Variants in KDM8 observed in about 807,000 individuals in gnomAD.
KDM8 encodes bifunctional peptidase and arginyl-hydroxylase JMJD5.
Under a neutral mutation model 46.9 loss-of-function variants are expected in KDM8, and 35 were observed. That is an observed-to-expected ratio of 0.75 (90% CI 0.57 to 0.99). KDM8 has a LOEUF of 0.99. Ranked by LOEUF, KDM8 falls within the 50% of genes least tolerant of loss-of-function variation. The probability of loss-of-function intolerance (pLI) is 0.00; values close to 1 mark genes in which losing one functional copy is unlikely to be tolerated. For missense variants in KDM8, 475 were observed against 537.0 expected (o/e 0.88, Z 1.14); for synonymous variants, 232 against 227.7 (o/e 1.02, Z -0.17).
At chr16:27,217,083 G>A (rs2083563745) in intron 5 of KDM8, among the ~76,000 whole-genome samples, 1 of 152,230 alleles carries the variant, frequency 6.6e-6, no homozygotes, top group South Asian at 2.1e-4. Flanking sequence ...TTGGGTCCCA[G>A]AGCTGAGTGT....
Position 27,221,026 on chromosome 16 carries a change from T to C in KDM8, c.*296T>C. 1 of 451,428 alleles carries C rather than the reference T, an allele frequency of 2.2e-6. No individual in the cohort carries two copies. Among genetic ancestry groups the C allele is most frequent in the Non-Finnish European group, 4.1e-6 (1 of 242,502 alleles). 28.0% of individuals were successfully genotyped at this position (451,428 alleles called of 1,614,324 possible). On this transcript the variant is annotated 3_prime_UTR_variant, in exon 8 of 8. Coordinates refer to ENST00000286096, the MANE Select transcript of KDM8 (RefSeq NM_024773.3). ...GGGACTCTGGCATCAGAAAGCCGAA[T>C]GTTTTTGGGAAACGGGTGGGTCACA...
At chr16:27,213,906 A>G (rs2083516391) in intron 3 of KDM8, 155 bp downstream of exon 3, 2 of 702,466 alleles carry the variant, frequency 2.8e-6, no homozygotes, top group South Asian at 4.3e-5. Flanking sequence ...AAAAGAGTGA[A>G]AAGTAAGGTG....
intron 1 of KDM8, among the ~76,000 whole-genome samples, chr16:27,207,097 G>T (rs1199634716): frequency 1.3e-5 from 2 of 152,196 alleles, no homozygotes; most frequent in African/African-American, 4.8e-5. Context: ...CCATCTATAG[G>T]AAGGCCAGTT....
chr16:27,211,106 C>G (rs895647338), intron 2 of KDM8: 5 of 454,534 alleles, frequency 1.1e-5, no homozygotes, highest in African/African-American at 1.0e-4. Context: ...TGGAACAGCT[C>G]CATTCATTTT....
chr16:27,210,660 C>G, intron 2 of KDM8, 39 bp downstream of exon 2: 1 of 1,486,908 alleles, frequency 6.7e-7, no homozygotes, highest in South Asian at 1.5e-5. Flanking sequence ...ACTAGCCATC[C>G]AGCAACCCTG....
At position 27,215,942 on chromosome 16, in the gene KDM8, T is replaced by C. The variant is rs752333008; in HGVS notation, c.799-3T>C. 8.1e-6 allele frequency: 13 copies of C among 1,614,026 alleles called. No individual in the cohort carries two copies. Among genetic ancestry groups the C allele is most frequent in the Non-Finnish European group, 1.0e-5 (12 of 1,180,028 alleles). ...TTGCCTCTGGTTTTCCCCGGTGGAT[T>C]AGCCAAGGGACGTCGGGTACCTTGC... is the stretch of plus-strand genomic sequence containing the variant. On this transcript the variant is annotated splice_polypyrimidine_tract_variant and splice_region_variant and intron_variant, in intron 4 of 7. Coordinates refer to ENST00000286096, the MANE Select transcript of KDM8 (RefSeq NM_024773.3).
At chr16:27,213,889 G>A in intron 3 of KDM8, 138 bp downstream of exon 3, 1 of 825,888 alleles carries the variant, frequency 1.2e-6, no homozygotes, top group Non-Finnish European at 1.8e-6. Context: ...GATTGCCAAG[G>A]GGTTAAAAAA....
chr16:27,210,229 G>C lies in KDM8; in HGVS notation c.106G>C (p.Asp36His), dbSNP rs1166444398. The change falls in exon 2 of 8, where the codon GAC becomes CAC. Residue 36 changes from aspartate to histidine, a missense_variant. By Grantham distance (81) the Asp-to-His change is moderately conservative (BLOSUM62 -1). Coordinates refer to ENST00000286096, the MANE Select transcript of KDM8 (RefSeq NM_024773.3). ...LPHSKEDLKL[D>H]LGEKVERSVV... ...GCACAGTAAAGAAGACCTGAAGTTGGACCTCGGGGAGAAAGTGGAGAGGAG... is the reference window on the plus strand; with the variant it reads ...GCACAGTAAAGAAGACCTGAAGTTGCACCTCGGGGAGAAAGTGGAGAGGAG... 1 of 1,613,188 alleles carries C rather than the reference G, an allele frequency of 6.2e-7. No homozygotes were observed. The highest frequency in any genetic ancestry group is 8.5e-7 in the Non-Finnish European group (1 of 1,180,032).
In KDM8 at chr16:27,213,323, T is replaced by C. The variant is rs1053368903; in HGVS notation, c.499-262T>C. 2.7e-5 allele frequency: 10 copies of C among 375,748 alleles called. No individual in the cohort carries two copies. In the South Asian group the frequency reaches 3.6e-4, roughly 13 times the overall value. 23.3% of individuals were successfully genotyped at this position (375,748 alleles called of 1,614,324 possible). A position where few individuals can be genotyped will look rare whatever the true frequency, so the allele number is the denominator to read the frequency against. ...GATGGTGAAGTTGGAGATAGTAAGT[T>C]TTCCTTTATTGCAGAATGTCTGTGA... On this transcript the variant is annotated intron_variant, in intron 2 of 7. Coordinates refer to ENST00000286096, the MANE Select transcript of KDM8 (RefSeq NM_024773.3).
rs747794551 is a variant in KDM8, at chr16:27,214,977, A to G, written c.767A>G (p.Asn256Ser). 27 of 1,614,090 alleles carry G rather than the reference A, an allele frequency of 1.7e-5. No individual in the cohort carries two copies. In the Middle Eastern group the frequency reaches 9.9e-4, roughly 59 times the overall value. Residue 256 changes from asparagine (N) to serine (S), a missense_variant, in exon 4 of 8, where the codon AAC (asparagine) becomes AGC (serine). By Grantham distance (46) the Asn-to-Ser change is conservative. Coordinates refer to ENST00000286096, the MANE Select transcript of KDM8 (RefSeq NM_024773.3). ...EEWSQTLMTVNEFISKYIVNE... is the reference protein window; with the variant it reads ...EEWSQTLMTVSEFISKYIVNE... ...TGGTCCCAGACCCTCATGACGGTCA[A>G]CGAGTTCATCAGCAAATACATCGTG...
chr16:27,220,703 C>T lies in KDM8; in HGVS notation c.1224C>T (p.Ser408=). Residue 408 remains serine, a synonymous_variant, in exon 8 of 8, where the codon AGC becomes AGT. Transcript: ENST00000286096. ...ATTACGTGCGGGCTCTGGATTTGAG[C>T]TTCTCGGTCAGCTTCTGGTGGTCGT... The part of the protein sequence containing the change: ...YWHYVRALDL[S]FSVSFWWS The T allele has an allele frequency of 1.2e-6, 2 of 1,614,198 alleles. No individual in the cohort carries two copies. Among genetic ancestry groups the T allele is most frequent in the Non-Finnish European group, 1.7e-6 (2 of 1,180,034 alleles).
rs74727723 is a variant in KDM8 at position 27,206,239 on chromosome 16, G to T, written c.-32+2603G>T. On this transcript the variant is annotated intron_variant, in intron 1 of 7. Transcript: ENST00000286096. ...TCTTGACTCCCTCCTTTGGAAGCCT[G>T]TTTGTTTAATGTAAGCCTTTTGTGT... is the stretch of plus-strand genomic sequence containing the variant. 2,060 of 979,606 alleles carry T rather than the reference G, an allele frequency of 2.1e-3. 31 individuals carry two copies. In the African/African-American group the frequency reaches 0.034, roughly 16 times the overall value. 60.7% of individuals were successfully genotyped at this position (979,606 alleles called of 1,614,324 possible). A position where few individuals can be genotyped will look rare whatever the true frequency, so the allele number is the denominator to read the frequency against.
intron 6 of KDM8, among the ~76,000 whole-genome samples, chr16:27,219,368 C>T (rs1176826250): frequency 2.0e-5 from 3 of 152,212 alleles, no homozygotes; most frequent in Non-Finnish European, 4.4e-5. Flanking sequence ...GGAGAGGGAG[C>T]GAGTGCTGGT....
At chr16:27,209,144 C>T (rs2083455387) in intron 1 of KDM8, among the ~76,000 whole-genome samples, 1 of 152,232 alleles carries the variant, frequency 6.6e-6, no homozygotes, top group Non-Finnish European at 1.5e-5. Flanking sequence ...ACATGGCGCA[C>T]AGGAGAGGGT....
chr16:27,204,613 C>T (rs1309513679), intron 1 of KDM8, among the ~76,000 whole-genome samples: 1 of 152,142 alleles, frequency 6.6e-6, no homozygotes, highest in Non-Finnish European at 1.5e-5. Flanking sequence ...CAGCATGGTG[C>T]TTGCAGAGTG....
At chr16:27,210,057 C>T in intron 1 of KDM8, 36 bp from the exon 2 acceptor site, 1 of 1,558,174 alleles carries the variant, frequency 6.4e-7, no homozygotes, top group South Asian at 1.2e-5. Flanking sequence ...CAGGTCTGTC[C>T]TGGTGTCTAA....
chr16:27,217,895 G>T (rs1189121971), intron 5 of KDM8, among the ~76,000 whole-genome samples: 2 of 150,784 alleles, frequency 1.3e-5, no homozygotes, highest in Non-Finnish European at 3.0e-5. Context: ...TGGCCTGGGG[G>T]GTGTGGGCTG....
At chr16:27,204,190 C>G (rs761177914) in intron 1 of KDM8, 1 of 1,478,882 alleles carries the variant, frequency 6.8e-7, no homozygotes, top group Admixed American at 2.7e-5. Context: ...GGGGGACCCT[C>G]TGGGGCCTGG....
At chr16:27,218,043 G>A (rs1279913558) in intron 5 of KDM8, among the ~76,000 whole-genome samples, 1 of 152,044 alleles carries the variant, frequency 6.6e-6, no homozygotes, top group Non-Finnish European at 1.5e-5. Flanking sequence ...GCCATGTGCA[G>A]TGGCTCATAC....
Sources: gnomAD v4.1 joint callset for allele counts (sites outside exome capture counted in the v4.1 genomes callset) on GRCh38, gnomAD v4.1.1 for gene constraint, MANE v1.5 for transcripts, NCBI Gene and HGNC (gene_info 2026-07-23, HGNC 2026-07-21) for gene names.